The following CPM variants were observed in gnomAD, a reference collection of about 807,000 sequenced individuals.
CPM encodes the protein renal carboxypeptidase.
Under a neutral mutation model 46.4 loss-of-function variants are expected in CPM, and 35 were observed. The observed-to-expected ratio is 0.75, with a 90% confidence interval of 0.58 to 1.00. CPM has a LOEUF of 1.00. Among genes scored for constraint, CPM ranks in the 50% least tolerant of loss-of-function variants. The pLI, the probability that CPM is intolerant of heterozygous loss-of-function variation, is 0.00. For synonymous variants in CPM, 195 were observed against 195.3 expected (o/e 1.00, Z 0.01); for missense variants, 422 against 530.4 (o/e 0.80, Z 2.01).
rs1884716555 is a variant in CPM at position 68,852,064 on chromosome 12, G to C, written c.*4373C>G. The C allele has an allele frequency of 6.6e-6, 1 of 152,180 alleles. No homozygotes were observed. The highest frequency in any genetic ancestry group is 1.5e-5 in the Non-Finnish European group (1 of 68,038). The allele number at this position is 152,180 out of a possible 1,614,324, so 9.4% of individuals were successfully genotyped here. A position where few individuals can be genotyped will look rare whatever the true frequency, so the allele number is the denominator to read the frequency against. Reference sequence around the variant, plus strand: ...ATCAGATATTTTTACTTTCTAAACAGAGCTAACTTGTACCATTTTTAGAAA... The same window carrying C: ...ATCAGATATTTTTACTTTCTAAACACAGCTAACTTGTACCATTTTTAGAAA... On this transcript the variant is annotated 3_prime_UTR_variant, in exon 9 of 9. Coordinates refer to ENST00000551568, the MANE Select transcript of CPM (RefSeq NM_198320.5).
At chr12:68,917,455 C>G (rs1435399934) in intron 2 of CPM, among the ~76,000 whole-genome samples, 1 of 152,188 alleles carries the variant, frequency 6.6e-6, no homozygotes, top group Non-Finnish European at 1.5e-5. Context: ...ACTAACTATA[C>G]TTTGGGATAT....
In CPM at chr12:68,853,703, C is replaced by T. The variant is rs7971479; in HGVS notation, c.*2734G>A. 0.17 allele frequency: 24,991 copies of T among 147,964 alleles called. 2,317 individuals carry two copies. The highest frequency in any genetic ancestry group is 0.3 in the Middle Eastern group (90 of 302). 9.2% of individuals were successfully genotyped at this position (147,964 alleles called of 1,614,324 possible). The stretch of plus-strand genomic sequence containing the variant: ...GAAATCAGCCTATATTACTGTCACA[C>T]TGGGGATTAAGTAAAAAAAAGAGAA... On this transcript the variant is annotated 3_prime_UTR_variant, in exon 9 of 9. Transcript: ENST00000551568.
At chr12:68,889,523 A>G (rs919534931) in intron 2 of CPM, among the ~76,000 whole-genome samples, 3 of 152,214 alleles carry the variant, frequency 2.0e-5, no homozygotes, top group African/African-American at 7.2e-5. Context: ...TAGCATATAA[A>G]GCCTTAAATT....
At chr12:68,875,775 T>C (rs10748113) in intron 3 of CPM, among the ~76,000 whole-genome samples, 91,895 of 147,898 alleles carry the variant, frequency 0.62, 28,439 homozygotes, top group East Asian at 0.72. Flanking sequence ...CACTGCACTC[T>C]AGCCTGGGCA....
At chr12:68,905,145 G>T (rs1887287969) in intron 2 of CPM, among the ~76,000 whole-genome samples, 1 of 151,512 alleles carries the variant, frequency 6.6e-6, no homozygotes, top group Non-Finnish European at 1.5e-5. Flanking sequence ...CCTGACCTCA[G>T]GTGATCCACC....
At chr12:68,895,284 A>G (rs560399002) in intron 2 of CPM, among the ~76,000 whole-genome samples, 2 of 152,130 alleles carry the variant, frequency 1.3e-5, no homozygotes, top group East Asian at 3.9e-4. Context: ...ATGGTAATGT[A>G]CCACTTCTGG....
chr12:68,872,028 A>G, intron 3 of CPM, 72 bp from the exon 4 acceptor site: 1 of 1,498,304 alleles, frequency 6.7e-7, no homozygotes, highest in Non-Finnish European at 9.2e-7. Context: ...CTACGGTACA[A>G]ATTCCCCAAT....
intron 1 of CPM, among the ~76,000 whole-genome samples, chr12:68,948,368 G>A (rs977493086): frequency 1.3e-5 from 2 of 152,132 alleles, no homozygotes; most frequent in African/African-American, 2.4e-5. Flanking sequence ...AGGGAAATGA[G>A]AATTTTTGAC....
At chr12:68,897,015 G>C (rs1205900117) in intron 2 of CPM, among the ~76,000 whole-genome samples, 1 of 151,990 alleles carries the variant, frequency 6.6e-6, no homozygotes, top group East Asian at 1.9e-4. Context: ...AGAACAGCTT[G>C]TCTCATTAAT....
rs542532128 is a variant in CPM at position 68,855,085 on chromosome 12, C to G, written c.*1352G>C. On this transcript the variant is annotated 3_prime_UTR_variant, in exon 9 of 9. Coordinates refer to ENST00000551568, the MANE Select transcript of CPM (RefSeq NM_198320.5). ...ATGTTGGCCAGGCTGGTCTTGAGCT[C>G]CTGACCTCAAGTGATCCGCCCGCCT... 7 of 151,832 alleles carry G rather than the reference C, an allele frequency of 4.6e-5. No homozygotes were observed. Among genetic ancestry groups the G allele is most frequent in the African/African-American group, 1.5e-4 (6 of 41,342 alleles). 9.4% of individuals were successfully genotyped at this position (151,832 alleles called of 1,614,324 possible). A position where few individuals can be genotyped will look rare whatever the true frequency, so the allele number is the denominator to read the frequency against.
intron 1 of CPM, among the ~76,000 whole-genome samples, chr12:68,954,598 C>A (rs1888983683): frequency 6.6e-6 from 1 of 152,166 alleles, no homozygotes; most frequent in Non-Finnish European, 1.5e-5. Flanking sequence ...GGCTTTAACT[C>A]CCATCTATGT....
chr12:68,922,664 T>C (rs1888086244), intron 2 of CPM, among the ~76,000 whole-genome samples: 1 of 151,618 alleles, frequency 6.6e-6, no homozygotes, highest in Admixed American at 6.6e-5. Context: ...AGCCCTCCAG[T>C]TGAGCTTGAC....
At chr12:68,941,613 G>C (rs1452272019) in intron 1 of CPM, among the ~76,000 whole-genome samples, 3 of 152,332 alleles carry the variant, frequency 2.0e-5, no homozygotes, top group African/African-American at 4.8e-5. Context: ...CTGGCCTCAA[G>C]TGATCTGCCT....
intron 2 of CPM, among the ~76,000 whole-genome samples, chr12:68,894,490 C>T (rs1886786165): frequency 6.6e-6 from 1 of 152,178 alleles, no homozygotes; most frequent in Non-Finnish European, 1.5e-5. Context: ...AATGCGCCCA[C>T]AGGAGGCAGG....
intron 2 of CPM, among the ~76,000 whole-genome samples, chr12:68,890,779 A>C (rs1467049126): frequency 2.6e-5 from 4 of 152,248 alleles, no homozygotes; most frequent in Admixed American, 2.6e-4. Flanking sequence ...ATTGGGTGTT[A>C]ATGTCACAAC....
At chr12:68,847,311 TG>T (rs1160264483), downstream of CPM, 5 of 148,176 alleles carry the variant, frequency 3.4e-5, no homozygotes, top group Admixed American at 1.3e-4. Flanking sequence ...CTCAAAATGC[TG>T]GGATTACAGG....
At position 68,862,243 on chromosome 12, in the gene CPM, C is replaced by CT. The variant is rs200115301; in HGVS notation, c.941-3173dup. ...CCCTAATAACCCAAAGATTCACTTT[C>CT]TTTTTTTTTAAATTGAAGTCTCCCT... is the stretch of plus-strand genomic sequence containing the variant. On this transcript the variant is annotated intron_variant, in intron 7 of 8. Coordinates refer to ENST00000551568, the MANE Select transcript of CPM (RefSeq NM_198320.5). Among the ~76,000 whole-genome samples the CT allele has an allele frequency of 1.7e-4, 24 of 137,850 alleles. 5 individuals are homozygous for CT. Among genetic ancestry groups the CT allele is most frequent in the South Asian group, 2.3e-4 (1 of 4,444 alleles). The allele number at this position is 137,850 out of a possible 152,430, so 90.4% of individuals were successfully genotyped here. A position where few individuals can be genotyped will look rare whatever the true frequency, so the allele number is the denominator to read the frequency against.
chr12:68,876,887 C>T (rs915175046), intron 3 of CPM, among the ~76,000 whole-genome samples: 23 of 133,440 alleles, frequency 1.7e-4, no homozygotes, highest in African/African-American at 2.3e-4. Context: ...TGTGTGCACG[C>T]GCATGCGTGT....
chr12:68,914,409 A>C (rs1192305191), intron 2 of CPM, among the ~76,000 whole-genome samples: 2 of 152,244 alleles, frequency 1.3e-5, no homozygotes, highest in Admixed American at 6.5e-5. Flanking sequence ...AATAATCGGC[A>C]GTGGCATTGC....
Sources: gnomAD v4.1 joint callset for allele counts (sites outside exome capture counted in the v4.1 genomes callset) on GRCh38, gnomAD v4.1.1 for gene constraint, MANE v1.5 for transcripts, NCBI Gene and HGNC (gene_info 2026-07-23, HGNC 2026-07-21) for gene names.